The following SPEG variants were observed in gnomAD, a reference collection of about 807,000 sequenced individuals.
SPEG encodes the protein striated muscle preferentially expressed protein kinase.
In SPEG, 114 loss-of-function variants were observed where a neutral mutation model predicts 300.4. That is an observed-to-expected ratio of 0.38 (90% CI 0.33 to 0.44). The LOEUF (loss-of-function observed/expected upper bound fraction) is 0.44. Ranked by LOEUF, SPEG falls within the 20% of genes least tolerant of loss-of-function variation. The probability of loss-of-function intolerance (pLI) is 1.00; values close to 1 mark genes in which losing one functional copy is unlikely to be tolerated. For synonymous variants in SPEG, 1,964 were observed against 2,018.9 expected (o/e 0.97, Z 0.73); for missense variants, 4,201 against 4,586.2 (o/e 0.92, Z 2.43).
Position 219,444,662 on chromosome 2 carries a change from C to G in SPEG, c.398C>G (p.Thr133Arg). Residue 133 changes from threonine (T) to arginine (R), a missense_variant, in exon 2 of 41, where the codon ACG becomes AGG. This residue lies in a region of SPEG where 1,258 missense variants were observed against 1,293.9 expected (regional missense o/e 0.97). Transcript: ENST00000312358. This position sits in a 1 kb window ranked among gnomAD's most constrained non-coding sequence, Gnocchi z 7.8. ...ACCCCTTCTTCTCCAGACTCAGAGACGGCTGAGGATGACATCAGCGATGTG... is the reference window on the plus strand; with the variant it reads ...ACCCCTTCTTCTCCAGACTCAGAGAGGGCTGAGGATGACATCAGCGATGTG... The part of the protein sequence containing the change: ...LTVLEVGDSE[T>R]AEDDISDVQG... The G allele has an allele frequency of 6.2e-7, 1 of 1,613,894 alleles. No individual in the cohort carries two copies. The highest frequency in any genetic ancestry group is 8.5e-7 in the Non-Finnish European group (1 of 1,179,818).
Position 219,469,050 on chromosome 2 carries a change from TACC to T in SPEG, c.3491+6_3491+8del. The T allele has an allele frequency of 1.9e-6, 3 of 1,610,990 alleles. No homozygotes were observed. The highest frequency in any genetic ancestry group is 2.5e-6 in the Non-Finnish European group (3 of 1,178,416). On this transcript the variant is annotated splice_donor_5th_base_variant and intron_variant, in intron 12 of 40. Transcript: ENST00000312358. Reference sequence around the variant, plus strand: ...CCGGACAGCCGCCTCAGGCCCCAGGTACCACCGGGGCCCCAAATGATGCTGGGG... The same window carrying T: ...CCGGACAGCCGCCTCAGGCCCCAGGTACCGGGGCCCCAAATGATGCTGGGG...
chr2:219,490,566 G>A lies in SPEG; in HGVS notation c.9079G>A (p.Glu3027Lys), dbSNP rs376483388. 25 of 1,613,900 alleles carry A rather than the reference G, an allele frequency of 1.5e-5. No individual in the cohort carries two copies. Among genetic ancestry groups the A allele is most frequent in the Admixed American group, 5.0e-5 (3 of 60,012 alleles). Reference protein sequence around the residue: ...LHHERIMSLHEAYITPRYLVL... With the variant: ...LHHERIMSLHKAYITPRYLVL... ...CCACGAGCGGATCATGTCCCTGCAC[G>A]AGGCCTACATCACCCCTCGGTACCT... Residue 3027 changes from glutamate to lysine, a missense_variant, in exon 37 of 41, where the codon GAG becomes AAG. This residue lies in a region of SPEG where 318 missense variants were observed against 429.5 expected (regional missense o/e 0.74). Coordinates refer to ENST00000312358, the MANE Select transcript of SPEG (RefSeq NM_005876.5).
At position 219,484,615 on chromosome 2, in the gene SPEG, G is replaced by A; in HGVS notation, c.7152G>A (p.Leu2384=). 1 of 1,553,420 alleles carries A rather than the reference G, an allele frequency of 6.4e-7. No individual in the cohort carries two copies. The highest frequency in any genetic ancestry group is 8.7e-7 in the Non-Finnish European group (1 of 1,153,784). ...GCCCGGCGGGGACCCCGCTGGAGCTGGTGCGACGGCCTGAGCGCTCACGCT... is the reference window on the plus strand; with the variant it reads ...GCCCGGCGGGGACCCCGCTGGAGCTAGTGCGACGGCCTGAGCGCTCACGCT... ...RPSPAGTPLE[L]VRRPERSRSV... The change falls in exon 30 of 41, where the codon CTG becomes CTA. Residue 2384 remains leucine (L), a synonymous_variant. Coordinates refer to ENST00000312358, the MANE Select transcript of SPEG (RefSeq NM_005876.5).
In SPEG at chr2:219,459,024, G is replaced by A. The variant is rs1013412438; in HGVS notation, c.2441-2858G>A. On this transcript the variant is annotated intron_variant, in intron 6 of 40. Transcript: ENST00000312358. The surrounding 1 kb of genome is among the most constrained non-coding windows in gnomAD (Gnocchi z 4.9). ...ACATCAGGGGACGCTGAAACAGTTG[G>A]GGTCGGTGGATGTGCTGGTCTGAGG... is the stretch of plus-strand genomic sequence containing the variant. Among the ~76,000 whole-genome samples, 2 of 152,200 alleles carry A rather than the reference G, an allele frequency of 1.3e-5. No individual in the cohort carries two copies. Among genetic ancestry groups the A allele is most frequent in the Non-Finnish European group, 2.9e-5 (2 of 68,048 alleles).
chr2:219,477,561 C>G lies in SPEG; in HGVS notation c.4729+116C>G. On this transcript the variant is annotated intron_variant, in intron 20 of 40. Transcript: ENST00000312358. This position sits in a 1 kb window ranked among gnomAD's most constrained non-coding sequence, Gnocchi z 6.4. ...GACTCGAGCCACCACACCCCCAGCC[C>G]AGCACCCCGCCTTGAGCCCCCAACA... is the stretch of plus-strand genomic sequence containing the variant. 6 of 1,369,106 alleles carry G rather than the reference C, an allele frequency of 4.4e-6. No homozygotes were observed. The highest frequency in any genetic ancestry group is 5.9e-6 in the Non-Finnish European group (6 of 1,011,664). 84.8% of individuals were successfully genotyped at this position (1,369,106 alleles called of 1,614,324 possible).
In SPEG at chr2:219,484,542, G is replaced by T; in HGVS notation, c.7079G>T (p.Arg2360Leu). 1 of 1,594,552 alleles carries T rather than the reference G, an allele frequency of 6.3e-7. No individual in the cohort carries two copies. The highest frequency in any genetic ancestry group is 1.1e-5 in the South Asian group (1 of 89,858). ...RLLSRSRSEE[R>L]GPFRGAEEED... ...CTGAGCCGTTCGCGCTCGGAGGAGC[G>T]CGGCCCCTTCCGTGGGGCCGAGGAG... The change falls in exon 30 of 41, where the codon CGC becomes CTC. Residue 2360 changes from arginine to leucine, a missense_variant. By Grantham distance (102) the Arg-to-Leu change is moderately radical. Transcript: ENST00000312358.
chr2:219,468,398 TC>T (rs1249366907), intron 10 of SPEG, among the ~76,000 whole-genome samples, 179 bp from the exon 11 acceptor site: 1 of 152,070 alleles, frequency 6.6e-6, no homozygotes. Context: ...CTTGCTGACC[TC>T]CACCCTCTCG....
rs1045899155 is a variant in SPEG, at chr2:219,464,304, G to C, written c.2706-129G>C. 4.8e-5 allele frequency: 50 copies of C among 1,038,818 alleles called. No individual in the cohort carries two copies. Among genetic ancestry groups the C allele is most frequent in the Non-Finnish European group, 6.8e-5 (49 of 720,546 alleles). The allele number at this position is 1,038,818 out of a possible 1,614,324, so 64.4% of individuals were successfully genotyped here. A position where few individuals can be genotyped will look rare whatever the true frequency, so the allele number is the denominator to read the frequency against. On this transcript the variant is annotated intron_variant, in intron 8 of 40. Transcript: ENST00000312358. The surrounding 1 kb of genome is among the most constrained non-coding windows in gnomAD (Gnocchi z 4.5). ...TGGAAACCAGGGATGCCCACGGTCA[G>C]TGGGACAGATCTGGGGACTGGGCAA...
At position 219,473,112 on chromosome 2, in the gene SPEG, C is replaced by T. The variant is rs748954272; in HGVS notation, c.4147+16C>T. Reference sequence around the variant, plus strand: ...CTGGAGCACGGTGAGCCTGGGTGCTCCTGTCGGGTGGGGGTGGGAGCTGCT... The same window carrying T: ...CTGGAGCACGGTGAGCCTGGGTGCTTCTGTCGGGTGGGGGTGGGAGCTGCT... On this transcript the variant is annotated intron_variant, in intron 16 of 40. Transcript: ENST00000312358. The surrounding 1 kb of genome is among the most constrained non-coding windows in gnomAD (Gnocchi z 4.6). 9.3e-6 allele frequency: 15 copies of T among 1,610,876 alleles called. No individual in the cohort carries two copies. Among genetic ancestry groups the T allele is most frequent in the Admixed American group, 1.7e-5 (1 of 59,820 alleles).
intron 31 of SPEG, among the ~76,000 whole-genome samples, chr2:219,486,668 C>T (rs1054902842): frequency 2.0e-5 from 3 of 152,140 alleles, no homozygotes; most frequent in South Asian, 2.1e-4. Flanking sequence ...TTACCTCATC[C>T]GCTCCCCGTT....
At chr2:219,440,561 T>TTTA (rs1203189204) in intron 1 of SPEG, among the ~76,000 whole-genome samples, 2 of 143,580 alleles carry the variant, frequency 1.4e-5, no homozygotes, top group African/African-American at 2.6e-5. Context: ...ATTTATTTTA[T>TTTA]TTTATTTATT....
Position 219,490,791 on chromosome 2 carries a change from G to A in SPEG, c.9220G>A (p.Asp3074Asn), listed in dbSNP as rs373312375. The change falls in exon 38 of 41, where the codon GAC (aspartate) becomes AAC (asparagine). Residue 3074 changes from aspartate to asparagine, a missense_variant. Physicochemically the swap from Asp to Asn is conservative, Grantham distance 23 (BLOSUM62 1). Around this residue, in one of 4 missense-constraint regions of SPEG, gnomAD observed 318 missense variants for 429.5 expected, o/e 0.74. Coordinates refer to ENST00000312358, the MANE Select transcript of SPEG (RefSeq NM_005876.5). ...CATGGTGCAGCTGCTACAAGGCCTG[G>A]ACTACCTCCACGGCCACCACGTGCT... ...TYMVQLLQGL[D>N]YLHGHHVLHL... 2.1e-5 allele frequency: 34 copies of A among 1,613,988 alleles called. No homozygotes were observed. The highest frequency in any genetic ancestry group is 9.3e-6 in the Non-Finnish European group (11 of 1,180,040).
chr2:219,492,146 C>T lies in SPEG; in HGVS notation c.9497C>T (p.Pro3166Leu), dbSNP rs769947298. The T allele has an allele frequency of 3.7e-5, 60 of 1,613,682 alleles. No individual in the cohort carries two copies. The South Asian group carries it at 6.1e-4, about 17-fold the overall frequency. Residue 3166 changes from proline to leucine, a missense_variant, in exon 40 of 41, where the codon CCC becomes CTC. Physicochemically the swap from Pro to Leu is moderately conservative, Grantham distance 98. Coordinates refer to ENST00000312358, the MANE Select transcript of SPEG (RefSeq NM_005876.5). ...CGCTCCCCGTTCTATGAGCCAGACC[C>T]CCAGGAAACGGAGGCTCGGATTGTG... ...SGRSPFYEPDPQETEARIVGG... is the reference protein window; with the variant it reads ...SGRSPFYEPDLQETEARIVGG...
In SPEG at chr2:219,444,147, C is replaced by G. The variant is rs975822517; in HGVS notation, c.389-506C>G. ...CTCCTCACCCTGCCTCAGCTGCACCCGATGCCTTGCAGCTGGTTTGGGGTA... is the reference window on the plus strand; with the variant it reads ...CTCCTCACCCTGCCTCAGCTGCACCGGATGCCTTGCAGCTGGTTTGGGGTA... On this transcript the variant is annotated intron_variant, in intron 1 of 40. Coordinates refer to ENST00000312358, the MANE Select transcript of SPEG (RefSeq NM_005876.5). This position sits in a 1 kb window ranked among gnomAD's most constrained non-coding sequence, Gnocchi z 7.8. The G allele has an allele frequency of 1.0e-6, 1 of 1,003,584 alleles. No homozygotes were observed. The allele number at this position is 1,003,584 out of a possible 1,614,324, so 62.2% of individuals were successfully genotyped here.
chr2:219,460,548 C>G, intron 6 of SPEG: 1 of 985,456 alleles, frequency 1.0e-6, no homozygotes, highest in Non-Finnish European at 1.2e-6. Flanking sequence ...TGAGTCAAGG[C>G]ACCGCAGAGC....
Position 219,451,493 on chromosome 2 carries a change from C to A in SPEG, c.2258-132C>A. 1.8e-6 allele frequency: 2 copies of A among 1,134,608 alleles called. No homozygotes were observed. Among genetic ancestry groups the A allele is most frequent in the Non-Finnish European group, 2.4e-6 (2 of 836,422 alleles). The allele number at this position is 1,134,608 out of a possible 1,614,324, so 70.3% of individuals were successfully genotyped here. A position where few individuals can be genotyped will look rare whatever the true frequency, so the allele number is the denominator to read the frequency against. ...CAACCTGAGCTTCCCAAAATGAGGGCGGACTCTTCCAGATTCCCTGGGGTG... is the reference window on the plus strand; with the variant it reads ...CAACCTGAGCTTCCCAAAATGAGGGAGGACTCTTCCAGATTCCCTGGGGTG... On this transcript the variant is annotated intron_variant, in intron 5 of 40. Transcript: ENST00000312358. This position sits in a 1 kb window ranked among gnomAD's most constrained non-coding sequence, Gnocchi z 6.4.
In SPEG at chr2:219,483,341, C is replaced by A; in HGVS notation, c.5878C>A (p.Leu1960Met). The change falls in exon 30 of 41, where the codon CTG becomes ATG. Residue 1960 changes from leucine to methionine, a missense_variant. Physicochemically the swap from Leu to Met is conservative, Grantham distance 15 (BLOSUM62 2). Around this residue, in one of 4 missense-constraint regions of SPEG, gnomAD observed 1,578 missense variants for 1,506.0 expected, o/e 1.05. Coordinates refer to ENST00000312358, the MANE Select transcript of SPEG (RefSeq NM_005876.5). ...AGACATTCCCACTGAGGATGAGGCC[C>A]TGGGGACCCCAGAGACTGGGGCTGC... The part of the protein sequence containing the change: ...LTDIPTEDEA[L>M]GTPETGAATP... 1 of 1,605,394 alleles carries A rather than the reference C, an allele frequency of 6.2e-7. No individual in the cohort carries two copies. The highest frequency in any genetic ancestry group is 1.1e-5 in the South Asian group (1 of 89,980).
chr2:219,440,231 T>C (rs1039037220), intron 1 of SPEG, among the ~76,000 whole-genome samples: 4 of 151,670 alleles, frequency 2.6e-5, no homozygotes, highest in African/African-American at 9.7e-5. Context: ...TAATATTTTT[T>C]TAAAAATTAG....
chr2:219,468,668 G>T lies in SPEG; in HGVS notation c.3233G>T (p.Gly1078Val). Residue 1078 changes from glycine (G) to valine (V), a missense_variant, in exon 11 of 41, where the codon GGC becomes GTC. Coordinates refer to ENST00000312358, the MANE Select transcript of SPEG (RefSeq NM_005876.5). ...RLLEDVEVLEGRAARFDCKIS... is the reference protein window; with the variant it reads ...RLLEDVEVLEVRAARFDCKIS... ...CTGGAAGATGTGGAGGTGTTGGAGG[G>T]CCGAGCTGCCCGTTTCGACTGCAAG... 1 of 1,614,110 alleles carries T rather than the reference G, an allele frequency of 6.2e-7. No individual in the cohort carries two copies. The highest frequency in any genetic ancestry group is 8.5e-7 in the Non-Finnish European group (1 of 1,179,994).
Sources: gnomAD v4.1 joint callset for allele counts (sites outside exome capture counted in the v4.1 genomes callset) on GRCh38, gnomAD v4.1.1 for gene constraint, gnomAD v4.1.1 regional missense constraint, Gnocchi (gnomAD v3.1) non-coding constraint, MANE v1.5 for transcripts, NCBI Gene and HGNC (gene_info 2026-07-23, HGNC 2026-07-21) for gene names.